Variants in KCNG2 observed in about 807,000 individuals in gnomAD.
KCNG2 encodes potassium voltage-gated channel modifier subfamily G member 2, also known as voltage-gated potassium channel regulatory subunit KCNG2.
A neutral mutation model predicts 12.3 loss-of-function variants in KCNG2; 7 were observed. The observed-to-expected ratio is 0.57, with a 90% CI of 0.32 to 1.07. The LOEUF is 1.07. Among genes scored for constraint, KCNG2 ranks in the 50% least tolerant of loss-of-function variants. KCNG2 has a pLI of 0.04. For missense variants in KCNG2, 703 were observed against 726.0 expected (o/e 0.97, Z 0.36); for synonymous variants, 414 against 351.4 (o/e 1.18, Z -1.99).
chr18:79,876,164 C>G (rs1204461004), intron 3 of KCNG2: 2 of 152,362 alleles, frequency 1.3e-5, no homozygotes, highest in Non-Finnish European at 2.9e-5. Flanking sequence ...GGACCCATCT[C>G]CCGCCTGGTG....
chr18:79,839,744 G>A (rs528507460), intron 1 of KCNG2, among the ~76,000 whole-genome samples: 19 of 152,274 alleles, frequency 1.2e-4, no homozygotes, highest in African/African-American at 3.6e-4. Context: ...TTAAATATTA[G>A]CAAATAGAAA....
At chr18:79,837,483 C>G (rs751662537) in intron 1 of KCNG2, among the ~76,000 whole-genome samples, 2 of 152,222 alleles carry the variant, frequency 1.3e-5, no homozygotes, top group Non-Finnish European at 2.9e-5. Context: ...ATGTGGGGCT[C>G]CAACCCCACA....
Position 79,867,456 on chromosome 18 carries a change from G to C in KCNG2, c.624+3165G>C, listed in dbSNP as rs752047614. Among the ~76,000 whole-genome samples the C allele has an allele frequency of 3.8e-3, 401 of 104,754 alleles. 3 individuals are homozygous for C. Among genetic ancestry groups the C allele is most frequent in the African/African-American group, 0.013 (371 of 29,340 alleles). The allele number at this position is 104,754 out of a possible 152,430, so 68.7% of individuals were successfully genotyped here. A position where few individuals can be genotyped will look rare whatever the true frequency, so the allele number is the denominator to read the frequency against. On this transcript the variant is annotated intron_variant, in intron 3 of 3. Coordinates refer to ENST00000316249, the MANE Select transcript of KCNG2 (RefSeq NM_012283.2). ...GAGCTCAGCGTGTGTCGTGTCTTGG[G>C]GGGGGGACCGTGAGCCCGGCGTTGT...
intron 3 of KCNG2, among the ~76,000 whole-genome samples, chr18:79,877,847 C>T (rs961205861): frequency 6.6e-6 from 1 of 152,234 alleles, no homozygotes; most frequent in African/African-American, 2.4e-5. Context: ...GAAGGGCTCC[C>T]AGCCCACTTA....
intron 1 of KCNG2, among the ~76,000 whole-genome samples, chr18:79,840,427 G>A (rs568226607): frequency 3.3e-5 from 5 of 152,140 alleles, no homozygotes; most frequent in Non-Finnish European, 7.4e-5. Context: ...GAACTTTAAT[G>A]CTGAAGACTA....
chr18:79,879,347 C>G (rs1046315878), intron 3 of KCNG2, among the ~76,000 whole-genome samples: 1 of 152,124 alleles, frequency 6.6e-6, no homozygotes, highest in Non-Finnish European at 1.5e-5. Flanking sequence ...GCCCCCGTCT[C>G]GAGGAAGTGA....
chr18:79,812,494 T>G (rs1189877100), intron 1 of KCNG2, among the ~76,000 whole-genome samples: 1 of 152,208 alleles, frequency 6.6e-6, no homozygotes, highest in African/African-American at 2.4e-5. Flanking sequence ...CCTTCCTCAC[T>G]CAATGTGAGG....
chr18:79,825,830 G>C (rs1978285204), intron 1 of KCNG2, among the ~76,000 whole-genome samples: 1 of 152,224 alleles, frequency 6.6e-6, no homozygotes, highest in East Asian at 1.9e-4. Flanking sequence ...AAAAAAGAAA[G>C]TAAAAATCAC....
intron 1 of KCNG2, among the ~76,000 whole-genome samples, chr18:79,826,483 G>T (rs1180402876): frequency 3.3e-5 from 5 of 150,234 alleles, no homozygotes; most frequent in African/African-American, 1.2e-4. Flanking sequence ...AAAGAACTGA[G>T]TGAGCAGCTC....
chr18:79,879,554 A>G (rs999746693), intron 3 of KCNG2, among the ~76,000 whole-genome samples: 10 of 152,226 alleles, frequency 6.6e-5, no homozygotes, highest in African/African-American at 2.2e-4. Flanking sequence ...TACCCTACTC[A>G]AAAAAGAAGT....
chr18:79,898,555 T>C (rs1044952308), intron 3 of KCNG2, among the ~76,000 whole-genome samples: 6 of 152,126 alleles, frequency 3.9e-5, no homozygotes, highest in African/African-American at 1.4e-4. Context: ...CCCTCCTGAC[T>C]GGGAGCTGTG....
chr18:79,861,441 G>A (rs1043995903), intron 2 of KCNG2, among the ~76,000 whole-genome samples: 15 of 151,878 alleles, frequency 9.9e-5, no homozygotes, highest in African/African-American at 7.3e-5. Flanking sequence ...ACCACACCCC[G>A]CTAATTTTTG....
intron 2 of KCNG2, among the ~76,000 whole-genome samples, chr18:79,859,013 G>C (rs779935347): frequency 1.3e-5 from 2 of 151,628 alleles, no homozygotes; most frequent in Non-Finnish European, 2.9e-5. Context: ...TTTTTCCACC[G>C]TTACTTGTCA....
rs530371121 is a variant in KCNG2, at chr18:79,817,076, G to A, written c.-115+19062G>A. Among the ~76,000 whole-genome samples, 197 of 151,158 alleles carry A rather than the reference G, an allele frequency of 1.3e-3. 1 individual carries two copies. The highest frequency in any genetic ancestry group is 3.6e-3 in the African/African-American group (147 of 41,074). On this transcript the variant is annotated intron_variant, in intron 1 of 3. Coordinates refer to ENST00000316249, the MANE Select transcript of KCNG2 (RefSeq NM_012283.2). The stretch of plus-strand genomic sequence containing the variant: ...CACGGCTGTCATACAGCTGTCACAC[G>A]GCTGCCACTCACATGCCTGTCACGT...
intron 3 of KCNG2, among the ~76,000 whole-genome samples, chr18:79,882,824 G>A (rs1980360538): frequency 2.0e-5 from 3 of 151,650 alleles, no homozygotes; most frequent in Admixed American, 1.3e-4. Flanking sequence ...CGTGGAGCGC[G>A]GAGGCCGGGT....
chr18:79,874,839 C>T (rs987625263), intron 3 of KCNG2, among the ~76,000 whole-genome samples: 22 of 152,230 alleles, frequency 1.4e-4, no homozygotes, highest in African/African-American at 4.3e-4. Context: ...GCTCCTGCCC[C>T]GTTGGCCAGC....
At chr18:79,845,572 T>A (rs1978595517) in intron 1 of KCNG2, among the ~76,000 whole-genome samples, 1 of 152,218 alleles carries the variant, frequency 6.6e-6, no homozygotes, top group Admixed American at 6.5e-5. Context: ...ACCAAATTTC[T>A]ATGTGTATTA....
intron 3 of KCNG2, among the ~76,000 whole-genome samples, chr18:79,877,157 A>G (rs1046876986): frequency 1.3e-5 from 2 of 152,266 alleles, no homozygotes; most frequent in African/African-American, 4.8e-5. Flanking sequence ...AGATGAGTGA[A>G]AAGAAAAAAC....
In KCNG2 at chr18:79,899,699, C is replaced by T. The variant is rs746572573; in HGVS notation, c.1284C>T (p.Ala428=). 3.1e-6 allele frequency: 5 copies of T among 1,607,352 alleles called. No homozygotes were observed. The highest frequency in any genetic ancestry group is 1.7e-5 in the Admixed American group (1 of 59,586). ...QQQRAASPEP[A]LQEDSTHSAT... is the part of the protein sequence containing the mutation. ...AGCGCGCGGCCAGCCCCGAGCCGGCCCTGCAGGAGGACAGCACGCACTCGG... is the reference window on the plus strand; with the variant it reads ...AGCGCGCGGCCAGCCCCGAGCCGGCTCTGCAGGAGGACAGCACGCACTCGG... The change falls in exon 4 of 4, where the codon GCC becomes GCT. Residue 428 remains alanine, a synonymous_variant. Coordinates refer to ENST00000316249, the MANE Select transcript of KCNG2 (RefSeq NM_012283.2).
Sources: allele counts gnomAD v4.1 joint callset (sites outside exome capture counted in the v4.1 genomes callset), GRCh38; gene constraint gnomAD v4.1.1; transcripts MANE v1.5; gene names NCBI Gene and HGNC (gene_info 2026-07-23, HGNC 2026-07-21).